Variants in DNAAF9 observed in about 807,000 individuals in gnomAD.
The protein encoded by DNAAF9 is shulin.
In DNAAF9, 90 loss-of-function variants were observed where a neutral mutation model predicts 167.0. The observed-to-expected ratio is 0.54, with a 90% CI of 0.45 to 0.64. The LOEUF is 0.64. Ranked by LOEUF, DNAAF9 falls within the 30% of genes least tolerant of loss-of-function variation. The pLI is 0.00. For synonymous variants in DNAAF9, 491 were observed against 508.8 expected (o/e 0.96, Z 0.47); for missense variants, 1,315 against 1,442.2 (o/e 0.91, Z 1.43).
At chr20:3,324,682 C>G (rs1555792160) in intron 14 of DNAAF9, among the ~76,000 whole-genome samples, 1 of 152,178 alleles carries the variant, frequency 6.6e-6, no homozygotes, top group Non-Finnish European at 1.5e-5. Context: ...AACCTCAGAA[C>G]ATGTGTGTGA....
At chr20:3,269,919 C>T (rs1354328047) in intron 30 of DNAAF9, among the ~76,000 whole-genome samples, 1 of 150,056 alleles carries the variant, frequency 6.7e-6, no homozygotes, top group African/African-American at 2.5e-5. Flanking sequence ...GATCGCGCCA[C>T]TGCACTCCAG....
At chr20:3,262,010 A>G (rs537143636) in intron 31 of DNAAF9, among the ~76,000 whole-genome samples, 2 of 152,290 alleles carry the variant, frequency 1.3e-5, no homozygotes, top group Admixed American at 6.5e-5. Flanking sequence ...CACAGCACAG[A>G]GCGGAGCATA....
At chr20:3,322,515 C>T in intron 15 of DNAAF9, 137 bp downstream of exon 15, 1 of 804,894 alleles carries the variant, frequency 1.2e-6, no homozygotes, top group Non-Finnish European at 2.2e-6. Context: ...TGAGCACAGC[C>T]AGCCCAAGCC....
intron 7 of DNAAF9, among the ~76,000 whole-genome samples, chr20:3,355,901 A>G (rs2083280011): frequency 1.3e-5 from 2 of 150,148 alleles, no homozygotes; most frequent in Non-Finnish European, 3.0e-5. Flanking sequence ...TTTTTTTTTC[A>G]GATCCAGTGC....
At chr20:3,314,175 A>G (rs1316851119) in intron 20 of DNAAF9, among the ~76,000 whole-genome samples, 1 of 152,144 alleles carries the variant, frequency 6.6e-6, no homozygotes, top group African/African-American at 2.4e-5. Context: ...CCTCATTTAC[A>G]TGGGACTTAG....
chr20:3,334,189 C>T (rs905028400), intron 10 of DNAAF9, among the ~76,000 whole-genome samples: 1 of 152,196 alleles, frequency 6.6e-6, no homozygotes, highest in African/African-American at 2.4e-5. Flanking sequence ...AGGGAATGCT[C>T]AAATGTTTAC....
At chr20:3,374,386 T>TTGTTACATTGTAAAATGTTAC (rs2083548783) in intron 5 of DNAAF9, among the ~76,000 whole-genome samples, 1 of 152,242 alleles carries the variant, frequency 6.6e-6, no homozygotes, top group African/African-American at 2.4e-5. Context: ...CTTTACAGTA[T>TTGTTACATTGTAAAATGTTAC]ATTGTAACAT....
chr20:3,350,156 G>GACACACAGACACACACACACACAC (rs2070291283), intron 7 of DNAAF9, among the ~76,000 whole-genome samples: 1 of 89,902 alleles, frequency 1.1e-5, no homozygotes, highest in Non-Finnish European at 2.4e-5. Context: ...CAGACACACA[G>GACACACAGACACACACACACACAC]ACACACACAC....
chr20:3,295,161 A>AC (rs921498203), intron 23 of DNAAF9, among the ~76,000 whole-genome samples: 7 of 140,262 alleles, frequency 5.0e-5, no homozygotes, highest in Non-Finnish European at 9.2e-5. Context: ...GAGCCACCGC[A>AC]CCCAGCTCCC....
rs1341598117 is a variant in DNAAF9 at position 3,374,536 on chromosome 20, G to T, written c.506-382C>A. 2.6e-5 allele frequency among the ~76,000 whole-genome samples: 4 copies of T among 152,068 alleles called. No homozygotes were observed. In the East Asian group the frequency reaches 7.7e-4, roughly 29 times the overall value. On this transcript the variant is annotated intron_variant, in intron 5 of 36. Coordinates refer to ENST00000252032, the MANE Select transcript of DNAAF9 (RefSeq NM_001009984.3). ...AACACAGCCAATCAACTTCCTCAAG[G>T]GAAAACTACTAAATCAAAAATGTTC...
At chr20:3,280,741 A>T (rs1433564671) in intron 28 of DNAAF9, among the ~76,000 whole-genome samples, 2 of 151,178 alleles carry the variant, frequency 1.3e-5, no homozygotes, top group Non-Finnish European at 3.0e-5. Context: ...TCAGCCTCCC[A>T]AGTAGCTGGG....
chr20:3,310,160 C>G (rs1212200226), intron 20 of DNAAF9, among the ~76,000 whole-genome samples: 3 of 150,874 alleles, frequency 2.0e-5, no homozygotes, highest in Non-Finnish European at 1.5e-5. Flanking sequence ...CCATTGCACT[C>G]TAGCCCAGGC....
intron 25 of DNAAF9, among the ~76,000 whole-genome samples, chr20:3,293,396 C>T (rs1245855400): frequency 6.7e-6 from 1 of 149,866 alleles, no homozygotes; most frequent in African/African-American, 2.5e-5. Flanking sequence ...TTAAAATCCA[C>T]TCTGGGGGCC....
Position 3,304,498 on chromosome 20 carries a change from C to G in DNAAF9, c.1724G>C (p.Arg575Pro). The G allele has an allele frequency of 6.6e-7, 1 of 1,521,056 alleles. No individual in the cohort carries two copies. Among genetic ancestry groups the G allele is most frequent in the South Asian group, 1.1e-5 (1 of 89,082 alleles). The allele number at this position is 1,521,056 out of a possible 1,614,324, so 94.2% of individuals were successfully genotyped here. A position where few individuals can be genotyped will look rare whatever the true frequency, so the allele number is the denominator to read the frequency against. Residue 575 changes from arginine (R) to proline (P), a missense_variant, in exon 21 of 37, where the codon CGT becomes CCT. Arg to Pro is a moderately radical substitution (Grantham distance 103). Around this residue, in one of 2 missense-constraint regions of DNAAF9, gnomAD observed 981 missense variants for 1,012.5 expected, o/e 0.97. Transcript: ENST00000252032. ...FSSGLLFSHC[R>P]HRSIIISKDH... ...CTTGGAAATGATGATACTTCTATGA[C>G]GACAGTGAGAAAACAGAAGGCCACT...
chr20:3,340,439 C>CA, intron 10 of DNAAF9, 65 bp downstream of exon 10: 1 of 196,288 alleles, frequency 5.1e-6, no homozygotes, highest in Non-Finnish European at 1.1e-5. Context: ...TAGCTCCCCC[C>CA]ACCCACCCCA....
rs748520913 is a variant in DNAAF9 at position 3,316,730 on chromosome 20, G to A, written c.1532C>T (p.Ser511Phe). The stretch of plus-strand genomic sequence containing the variant: ...CTGATGAATGACACTAACCAGCCAG[G>A]AGCAGAATCTGGGTACAGCAGCAGT... Reference protein sequence around the residue: ...VLTAAVPRFCSWLVEDNEVKL... With the variant: ...VLTAAVPRFCFWLVEDNEVKL... Residue 511 changes from serine to phenylalanine, a missense_variant, in exon 18 of 37, where the codon TCC (serine) becomes TTC (phenylalanine). By Grantham distance (155) the Ser-to-Phe change is radical. Around this residue, in one of 2 missense-constraint regions of DNAAF9, gnomAD observed 981 missense variants for 1,012.5 expected, o/e 0.97. Transcript: ENST00000252032. 2.5e-6 allele frequency: 4 copies of A among 1,612,696 alleles called. No individual in the cohort carries two copies. The highest frequency in any genetic ancestry group is 1.1e-5 in the South Asian group (1 of 91,028).
intron 9 of DNAAF9, among the ~76,000 whole-genome samples, chr20:3,342,482 T>C (rs778282322): frequency 2.6e-5 from 4 of 152,206 alleles, no homozygotes; most frequent in East Asian, 1.9e-4. Context: ...TGAATCTCTC[T>C]TGATTGGTAT....
intron 35 of DNAAF9, 21 bp downstream of exon 35, chr20:3,255,178 CCCTGGGCCACCGAGGGGAGA>C: frequency 3.8e-6 from 5 of 1,326,924 alleles, no homozygotes; most frequent in Non-Finnish European, 5.3e-6. Context: ...CCGAGGACAG[CCCTGGGCCACCGAGGGGAGA>C]AGCCAGGGCA....
chr20:3,264,661 C>T, intron 30 of DNAAF9, 137 bp from the exon 31 acceptor site: 1 of 644,376 alleles, frequency 1.6e-6, no homozygotes, highest in Non-Finnish European at 2.8e-6. Flanking sequence ...CCTCCGCTTC[C>T]CGGGTTCAAG....
Sources: gnomAD v4.1 joint callset for allele counts (sites outside exome capture counted in the v4.1 genomes callset) on GRCh38, gnomAD v4.1.1 for gene constraint, gnomAD v4.1.1 regional missense constraint, MANE v1.5 for transcripts, NCBI Gene and HGNC (gene_info 2026-07-23, HGNC 2026-07-21) for gene names.